TRDN: variants seen among roughly 807,000 people sequenced by gnomAD.
TRDN encodes triadin in skeletal muscle.
TRDN carries 161 observed loss-of-function variants against 149.7 expected under a neutral mutation model. The observed-to-expected ratio is 1.08, with a 90% CI of 0.95 to 1.23. The LOEUF is 1.23. TRDN is among the 50% of genes most tolerant of loss of function. The probability of loss-of-function intolerance (pLI) is 0.00; values close to 1 mark genes in which losing one functional copy is unlikely to be tolerated. For missense variants in TRDN, 896 were observed against 823.5 expected, an observed-to-expected ratio of 1.09 and a Z score of -1.08; for synonymous variants, 294 against 250.5, an observed-to-expected ratio of 1.17 and a Z score of -1.64.
intron 1 of TRDN, chr6:123,583,975 T>TA (rs1562405401): frequency 4.4e-6 from 1 of 229,414 alleles, no homozygotes; most frequent in African/African-American, 2.3e-5. Context: ...AGAGGCGGGA[T>TA]AGTGGCTTGT....
intron 21 of TRDN, chr6:123,350,904 A>G (rs1462213378): frequency 6.1e-6 from 6 of 984,496 alleles, no homozygotes; most frequent in African/African-American, 1.7e-5. Flanking sequence ...GTAAGATCCT[A>G]TCTCTAAGAA....
chr6:123,499,719 A>AAAAAAAAAAAAAAAATATAT, intron 8 of TRDN, among the ~76,000 whole-genome samples: 1 of 47,678 alleles, frequency 2.1e-5, no homozygotes, highest in Non-Finnish European at 4.5e-5. Context: ...AAAAAAAAAA[A>AAAAAAAAAAAAAAAATATAT]ATATATATAT....
intron 9 of TRDN, chr6:123,470,902 T>C (rs889053372): frequency 6.6e-6 from 1 of 152,142 alleles, no homozygotes; most frequent in African/African-American, 2.4e-5. Context: ...GAGTGCCTAC[T>C]CAGTACCAGA....
At chr6:123,614,465 A>T (rs888683698) in intron 1 of TRDN, among the ~76,000 whole-genome samples, 3 of 151,488 alleles carry the variant, frequency 2.0e-5, no homozygotes, top group Non-Finnish European at 2.9e-5. Context: ...CTATTACACT[A>T]TTATATATAA....
chr6:123,306,157 G>T (rs1161887308), intron 24 of TRDN, among the ~76,000 whole-genome samples: 1 of 152,116 alleles, frequency 6.6e-6, no homozygotes, highest in African/African-American at 2.4e-5. Context: ...ACCTCAAGAT[G>T]ATTGCTGATG....
chr6:123,570,207 G>T (rs1570188), intron 2 of TRDN, among the ~76,000 whole-genome samples: 1 of 151,890 alleles, frequency 6.6e-6, no homozygotes, highest in African/African-American at 2.4e-5. Context: ...GAAATGTTTC[G>T]CTTATGGTAA....
intron 38 of TRDN, among the ~76,000 whole-genome samples, chr6:123,229,975 G>T (rs1002464656): frequency 2.6e-5 from 4 of 151,718 alleles, no homozygotes; most frequent in Non-Finnish European, 5.9e-5. Context: ...TTTCTTCACA[G>T]AATTCCTTTA....
intron 4 of TRDN, among the ~76,000 whole-genome samples, chr6:123,535,947 T>C (rs1223270001): frequency 6.6e-6 from 1 of 152,138 alleles, no homozygotes; most frequent in Non-Finnish European, 1.5e-5. Context: ...CTGACATCCA[T>C]TAAAATACAG....
intron 2 of TRDN, among the ~76,000 whole-genome samples, chr6:123,554,717 G>T (rs1038331188): frequency 6.6e-6 from 1 of 151,986 alleles, no homozygotes; most frequent in South Asian, 2.1e-4. Flanking sequence ...GCCTAAGTTG[G>T]GAAGAAAGAA....
At chr6:123,499,605 G>GAGGC (rs1182312728) in intron 8 of TRDN, among the ~76,000 whole-genome samples, 3 of 146,794 alleles carry the variant, frequency 2.0e-5, no homozygotes, top group Non-Finnish European at 4.5e-5. Flanking sequence ...TCCGGAGGCT[G>GAGGC]AGGCAGGAGA....
intron 4 of TRDN, among the ~76,000 whole-genome samples, chr6:123,535,156 G>A (rs1463256069): frequency 6.6e-6 from 1 of 152,058 alleles, no homozygotes; most frequent in African/African-American, 2.4e-5. Flanking sequence ...GAGAAGGGAA[G>A]AAGGGAAAAA....
chr6:123,634,775 A>G (rs1293637066), intron 1 of TRDN, among the ~76,000 whole-genome samples: 1 of 151,904 alleles, frequency 6.6e-6, no homozygotes, highest in African/African-American at 2.4e-5. Context: ...AAAAAAATGC[A>G]TAATTGATGT....
intron 13 of TRDN, among the ~76,000 whole-genome samples, chr6:123,391,335 T>A (rs1172570850): frequency 1.3e-5 from 2 of 152,116 alleles, no homozygotes; most frequent in South Asian, 4.1e-4. Flanking sequence ...ATCTCCTAAT[T>A]ACCCAGTTTC....
Position 123,260,646 on chromosome 6 carries a change from A to AG in TRDN, c.1805-9_1805-8insC. On this transcript the variant is annotated splice_polypyrimidine_tract_variant and intron_variant, in intron 33 of 40. Coordinates refer to ENST00000334268, the MANE Select transcript of TRDN (RefSeq NM_006073.4). ...TGACTTCTGATGTTCCTTCTTTAGAAAAAAAAAAAAAAAGAATGTAGAAAG... is the reference window on the plus strand; with the variant it reads ...TGACTTCTGATGTTCCTTCTTTAGAAGAAAAAAAAAAAAAGAATGTAGAAAG... 5.3e-6 allele frequency: 7 copies of AG among 1,320,752 alleles called. No individual in the cohort carries two copies. The highest frequency in any genetic ancestry group is 7.0e-6 in the Non-Finnish European group (7 of 995,800). 81.8% of individuals were successfully genotyped at this position (1,320,752 alleles called of 1,614,324 possible). A position where few individuals can be genotyped will look rare whatever the true frequency, so the allele number is the denominator to read the frequency against.
chr6:123,633,048 G>T lies in TRDN; in HGVS notation c.22+3706C>A, dbSNP rs146896144. Among the ~76,000 whole-genome samples the T allele has an allele frequency of 1.2e-3, 190 of 152,170 alleles. 1 individual carries two copies. The highest frequency in any genetic ancestry group is 1.9e-3 in the Non-Finnish European group (132 of 67,988). Reference sequence around the variant, plus strand: ...GTAAGGAAAGAATTCCACACATAGTGCAATAATTCTTCTCCTGAAGCCTGA... The same window carrying T: ...GTAAGGAAAGAATTCCACACATAGTTCAATAATTCTTCTCCTGAAGCCTGA... On this transcript the variant is annotated intron_variant, in intron 1 of 40. Coordinates refer to ENST00000334268, the MANE Select transcript of TRDN (RefSeq NM_006073.4).
intron 1 of TRDN, among the ~76,000 whole-genome samples, chr6:123,577,341 C>G (rs187448810): frequency 6.6e-6 from 1 of 152,190 alleles, no homozygotes; most frequent in South Asian, 2.1e-4. Context: ...TTGTTCCCTT[C>G]TTTGCATTCA....
intron 26 of TRDN, among the ~76,000 whole-genome samples, chr6:123,275,825 A>G (rs947988735): frequency 2.6e-5 from 4 of 152,180 alleles, no homozygotes; most frequent in African/African-American, 7.2e-5. Context: ...TTTAAATGAT[A>G]CATTTGTGAC....
At chr6:123,284,071 C>G (rs899407834) in intron 24 of TRDN, among the ~76,000 whole-genome samples, 1 of 130,376 alleles carries the variant, frequency 7.7e-6, no homozygotes, top group Non-Finnish European at 1.6e-5. Context: ...AAATAAAATG[C>G]ACTAACTCTT....
At chr6:123,242,540 T>G (rs994857740) in intron 38 of TRDN, among the ~76,000 whole-genome samples, 11 of 152,128 alleles carry the variant, frequency 7.2e-5, no homozygotes, top group Non-Finnish European at 7.4e-5. Flanking sequence ...GCAAGATGGC[T>G]GTTTAGATTC....
Sources: allele counts gnomAD v4.1 joint callset (sites outside exome capture counted in the v4.1 genomes callset), GRCh38; gene constraint gnomAD v4.1.1; transcripts MANE v1.5; gene names NCBI Gene and HGNC (gene_info 2026-07-23, HGNC 2026-07-21).